Variants in KIAA1549 observed in about 807,000 individuals in gnomAD.
KIAA1549 encodes the protein KIAA1549, also known as UPF0606 protein KIAA1549.
Under a neutral mutation model 156.4 loss-of-function variants are expected in KIAA1549, and 70 were observed. The ratio of observed to expected loss-of-function variants is 0.45; its 90% CI spans 0.37 to 0.55. KIAA1549 has a LOEUF of 0.55. Among genes scored for constraint, KIAA1549 ranks in the 20% least tolerant of loss-of-function variants. The pLI, the probability that KIAA1549 is intolerant of heterozygous loss-of-function variation, is 0.00. For missense variants in KIAA1549, 2,428 were observed against 2,540.9 expected, an observed-to-expected ratio of 0.96 and a Z score of 0.96; for synonymous variants, 1,103 against 1,066.4, an observed-to-expected ratio of 1.03 and a Z score of -0.67.
At chr7:138,898,105 G>A (rs1811739447) in intron 9 of KIAA1549, among the ~76,000 whole-genome samples, 3 of 151,326 alleles carry the variant, frequency 2.0e-5, no homozygotes, top group African/African-American at 7.3e-5. Flanking sequence ...TCAAGAGATC[G>A]AGACCATCCG....
intron 8 of KIAA1549, among the ~76,000 whole-genome samples, chr7:138,901,862 T>C (rs904275337): frequency 6.6e-6 from 1 of 152,222 alleles, no homozygotes; most frequent in Non-Finnish European, 1.5e-5. Flanking sequence ...AAGCAGAGCA[T>C]GGCTTATAAG....
chr7:138,910,700 A>ATTTTTTTTTT (rs10686011), intron 4 of KIAA1549, among the ~76,000 whole-genome samples: 7 of 112,026 alleles, frequency 6.2e-5, no homozygotes, highest in African/African-American at 7.7e-5. Context: ...ACTTGGTCTA[A>ATTTTTTTTTT]TTTTTTTTTT....
At chr7:138,945,623 G>A (rs185555776) in intron 1 of KIAA1549, among the ~76,000 whole-genome samples, 1 of 152,180 alleles carries the variant, frequency 6.6e-6, no homozygotes, top group South Asian at 2.1e-4. Context: ...TGTATTTAAA[G>A]CATGAAGTTA....
chr7:138,916,643 G>A, intron 2 of KIAA1549, 105 bp downstream of exon 2: 1 of 1,506,830 alleles, frequency 6.6e-7, no homozygotes, highest in East Asian at 2.4e-5. Flanking sequence ...ACTGAGCCCA[G>A]CGCCTCTGCT....
chr7:138,917,874 T>G lies in KIAA1549; in HGVS notation c.1752A>C (p.Arg584Ser). ...TATAAGGCGTAAAAACACTCGGGTC[T>G]CTGACGGCAAGCGACGGTGTGTTTT... Reference protein sequence around the residue: ...ANKNTPSLAVRDPSVFTPYSL... With the variant: ...ANKNTPSLAVSDPSVFTPYSL... Residue 584 changes from arginine to serine, a missense_variant, in exon 2 of 20, where the codon AGA becomes AGC. Physicochemically the swap from Arg to Ser is moderately radical, Grantham distance 110. Transcript: ENST00000422774. 6.2e-7 allele frequency: 1 copy of G among 1,605,140 alleles called. No individual in the cohort carries two copies. The highest frequency in any genetic ancestry group is 8.5e-7 in the Non-Finnish European group (1 of 1,175,904).
At chr7:138,859,661 A>T (rs899247344) in intron 16 of KIAA1549, among the ~76,000 whole-genome samples, 51 of 152,212 alleles carry the variant, frequency 3.4e-4, no homozygotes, top group African/African-American at 1.1e-3. Flanking sequence ...CTGCACCATG[A>T]CTAGAAACTC....
intron 1 of KIAA1549, among the ~76,000 whole-genome samples, chr7:138,919,857 C>A (rs1032948423): frequency 1.3e-5 from 2 of 152,088 alleles, no homozygotes; most frequent in Admixed American, 6.5e-5. Context: ...GAATATAAGG[C>A]TTCCTTGACT....
chr7:138,885,557 C>T (rs543477505), intron 10 of KIAA1549, among the ~76,000 whole-genome samples: 3 of 152,202 alleles, frequency 2.0e-5, no homozygotes, highest in African/African-American at 4.8e-5. Flanking sequence ...CCACCCACAA[C>T]GATGGCCCCA....
intron 15 of KIAA1549, among the ~76,000 whole-genome samples, chr7:138,863,681 A>G (rs1051247346): frequency 1.3e-5 from 2 of 152,098 alleles, no homozygotes; most frequent in Admixed American, 1.3e-4. Flanking sequence ...CAACACAGAA[A>G]CCACCAACTG....
At chr7:138,861,049 C>T (rs780450950) in intron 16 of KIAA1549, 90 bp downstream of exon 16, 56 of 1,311,680 alleles carry the variant, frequency 4.3e-5, no homozygotes, top group Middle Eastern at 2.5e-4. Context: ...AATGCAACCA[C>T]GGTTTTGTGC....
intron 17 of KIAA1549, among the ~76,000 whole-genome samples, chr7:138,849,130 G>T (rs1810165189): frequency 6.6e-6 from 1 of 151,980 alleles, no homozygotes; most frequent in African/African-American, 2.4e-5. Flanking sequence ...TTGATAATTT[G>T]TTGCACAGAT....
Position 138,903,872 on chromosome 7 carries a change from C to T in KIAA1549, c.3521-136G>A, listed in dbSNP as rs1184104073. The T allele has an allele frequency of 1.0e-4, 71 of 698,610 alleles. 5 individuals are homozygous for T. Among genetic ancestry groups the T allele is most frequent in the Non-Finnish European group, 1.3e-4 (59 of 459,458 alleles). 43.3% of individuals were successfully genotyped at this position (698,610 alleles called of 1,614,324 possible). ...GTGTGTGCGCGCGCGCGCGCGCGCA[C>T]ATATGTATTTGAAATTAATGCAAGA... is the stretch of plus-strand genomic sequence containing the variant. On this transcript the variant is annotated intron_variant, in intron 7 of 19. Coordinates refer to ENST00000422774, the MANE Select transcript of KIAA1549 (RefSeq NM_001164665.2).
intron 17 of KIAA1549, among the ~76,000 whole-genome samples, chr7:138,851,466 T>G (rs1810229542): frequency 6.6e-6 from 1 of 152,020 alleles, no homozygotes; most frequent in African/African-American, 2.4e-5. Flanking sequence ...GTCTGATAAC[T>G]CCAATATCTG....
chr7:138,841,969 T>C (rs975710686), intron 18 of KIAA1549, among the ~76,000 whole-genome samples: 2 of 152,096 alleles, frequency 1.3e-5, no homozygotes, highest in Admixed American at 1.3e-4. Flanking sequence ...AAAGCTGTCC[T>C]GGCTCTGGGC....
intron 1 of KIAA1549, among the ~76,000 whole-genome samples, chr7:138,922,580 T>A (rs978169314): frequency 2.0e-5 from 3 of 151,916 alleles, no homozygotes; most frequent in Admixed American, 1.3e-4. Flanking sequence ...ACTATAAAAG[T>A]TGGCCAGAAA....
At chr7:138,974,649 C>A (rs1814319049) in intron 1 of KIAA1549, among the ~76,000 whole-genome samples, 1 of 151,830 alleles carries the variant, frequency 6.6e-6, no homozygotes, top group Non-Finnish European at 1.5e-5. Context: ...TCTCGAACTC[C>A]TGGCCTCAGG....
At chr7:138,872,588 A>G (rs1810972242) in intron 12 of KIAA1549, among the ~76,000 whole-genome samples, 1 of 152,216 alleles carries the variant, frequency 6.6e-6, no homozygotes, top group African/African-American at 2.4e-5. Context: ...GGCTGAGTAG[A>G]AAGAGCTAGT....
At chr7:138,887,770 T>C (rs1449947601) in intron 10 of KIAA1549, among the ~76,000 whole-genome samples, 1 of 152,196 alleles carries the variant, frequency 6.6e-6, no homozygotes. Context: ...CTTTCTCTCT[T>C]AAAGAACTGA....
At chr7:138,877,354 T>C (rs1369249259) in intron 12 of KIAA1549, among the ~76,000 whole-genome samples, 1 of 151,898 alleles carries the variant, frequency 6.6e-6, no homozygotes, top group Non-Finnish European at 1.5e-5. Context: ...ATTGGCCAGG[T>C]GTGGTGGTAT....
Sources: allele counts gnomAD v4.1 joint callset (sites outside exome capture counted in the v4.1 genomes callset), GRCh38; gene constraint gnomAD v4.1.1; transcripts MANE v1.5; gene names NCBI Gene and HGNC (gene_info 2026-07-23, HGNC 2026-07-21).